The following ZNF808 variants were observed in gnomAD, a reference collection of about 807,000 sequenced individuals.
ZNF808 encodes zinc finger protein 808.
Under a neutral mutation model 8.7 loss-of-function variants are expected in ZNF808, and 5 were observed. The observed-to-expected ratio is 0.58, with a 90% confidence interval of 0.30 to 1.21. The LOEUF is 1.21. Among genes scored for constraint, ZNF808 ranks in the 50% most tolerant of loss-of-function variants. The probability of loss-of-function intolerance (pLI) is 0.07; values close to 1 mark genes in which losing one functional copy is unlikely to be tolerated. For missense variants in ZNF808, 1,103 were observed against 1,098.4 expected (o/e 1.00, Z -0.06); for synonymous variants, 380 against 366.0 (o/e 1.04, Z -0.44).
chr19:52,562,982 G>A (rs751800195), intron 3 of ZNF808, among the ~76,000 whole-genome samples: 16 of 151,994 alleles, frequency 1.1e-4, no homozygotes, highest in Non-Finnish European at 1.9e-4. Context: ...CACCATGTTG[G>A]CCAGGCTGGT....
exon 4 of ZNF808, chr19:52,564,163 A>G: frequency 1.4e-6 from 1 of 731,966 alleles, no homozygotes; most frequent in East Asian, 2.6e-5. Context: ...GATTCGAATG[A>G]AAACTGGCAA....
chr19:52,566,125 G>C (rs997882162), downstream of ZNF808, among the ~76,000 whole-genome samples: 1 of 152,042 alleles, frequency 6.6e-6, no homozygotes, highest in Non-Finnish European at 1.5e-5. Context: ...TGTGGGATTA[G>C]AGTCCATTTG....
rs10425471 is a variant in ZNF808 at position 52,531,938 on chromosome 19, A to G, written c.-121-970A>G. Among the ~76,000 whole-genome samples the G allele has an allele frequency of 6.9e-3, 1,054 of 152,286 alleles. 10 individuals carry two copies. The highest frequency in any genetic ancestry group is 0.023 in the African/African-American group (945 of 41,556). On this transcript the variant is annotated intron_variant, in intron 1 of 4. Transcript: ENST00000359798. ...TACATCAGAAGGTAGTGATCTTAAC[A>G]TGTATTTCAGTCTTATAGTGTGTGC...
intron 1 of ZNF808, among the ~76,000 whole-genome samples, chr19:52,528,237 T>C (rs965997893): frequency 6.6e-6 from 1 of 152,154 alleles, no homozygotes; most frequent in Non-Finnish European, 1.5e-5. Context: ...ACCGCTTCCA[T>C]TGAACCCACA....
At chr19:52,535,026 T>G (rs1220624079) in intron 2 of ZNF808, among the ~76,000 whole-genome samples, 1 of 151,312 alleles carries the variant, frequency 6.6e-6, no homozygotes, top group African/African-American at 2.4e-5. Context: ...AAAATTTTAT[T>G]TAAAAACGGG....
rs1023323502 is a variant in ZNF808 at position 52,554,075 on chromosome 19, G to T, written c.1159G>T (p.Ala387Ser). ...GGCTTTTGCGTGTCATTCCTATCTGGCAAACCATACTAGAATTCATAGTGG... is the reference window on the plus strand; with the variant it reads ...GGCTTTTGCGTGTCATTCCTATCTGTCAAACCATACTAGAATTCATAGTGG... ...EKAFACHSYL[A>S]NHTRIHSGEK... Residue 387 changes from alanine (A) to serine (S), a missense_variant, in exon 5 of 5, where the codon GCA becomes TCA. Ala to Ser is a moderately conservative substitution (Grantham distance 99, BLOSUM62 1). Coordinates refer to ENST00000359798, the MANE Select transcript of ZNF808 (RefSeq NM_001039886.4). 8 of 1,613,812 alleles carry T rather than the reference G, an allele frequency of 5.0e-6. No homozygotes were observed. Among genetic ancestry groups the T allele is most frequent in the Non-Finnish European group, 6.8e-6 (8 of 1,179,992 alleles).
chr19:52,546,753 C>T (rs1177234849), intron 3 of ZNF808, among the ~76,000 whole-genome samples: 1 of 149,810 alleles, frequency 6.7e-6, no homozygotes, highest in East Asian at 2.0e-4. Flanking sequence ...AAGCAATTCT[C>T]CTGCCTCAGC....
rs60838690 is a variant in ZNF808, at chr19:52,542,097, A to ATT, written c.-19-1157_-19-1156dup. On this transcript the variant is annotated intron_variant, in intron 2 of 4. Transcript: ENST00000359798. ...AGAGTGAGAAGATACATCACTTCCA[A>ATT]TTTTTTTTTTTTTGAGACGAATTTT... Among the ~76,000 whole-genome samples, 606 of 146,420 alleles carry ATT rather than the reference A, an allele frequency of 4.1e-3. 4 individuals are homozygous for ATT. Among genetic ancestry groups the ATT allele is most frequent in the African/African-American group, 0.014 (574 of 40,258 alleles).
downstream of ZNF808, among the ~76,000 whole-genome samples, chr19:52,568,636 G>T (rs1177470121): frequency 1.3e-5 from 2 of 152,156 alleles, no homozygotes; most frequent in Admixed American, 6.5e-5. Context: ...ATTTCCTTGT[G>T]TGTGTGAAAT....
exon 4 of ZNF808, chr19:52,564,240 A>G (rs1425784780): frequency 3.2e-6 from 3 of 923,520 alleles, no homozygotes; most frequent in Non-Finnish European, 5.2e-6. Context: ...AAGGAATTGC[A>G]CGTGAGATGG....
At chr19:52,528,619 G>A (rs1009448294) in intron 1 of ZNF808, among the ~76,000 whole-genome samples, 28 of 152,114 alleles carry the variant, frequency 1.8e-4, no homozygotes, top group Non-Finnish European at 3.8e-4. Flanking sequence ...AGCAAAGAGG[G>A]AGGCTCATCA....
chr19:52,532,128 G>T (rs1036276990), intron 1 of ZNF808, among the ~76,000 whole-genome samples: 2 of 152,150 alleles, frequency 1.3e-5, no homozygotes, highest in African/African-American at 4.8e-5. Flanking sequence ...TATATGATAT[G>T]TAATGGAACT....
chr19:52,533,267 C>T (rs186608483), intron 2 of ZNF808, among the ~76,000 whole-genome samples: 1 of 152,150 alleles, frequency 6.6e-6, no homozygotes, highest in Non-Finnish European at 1.5e-5. Context: ...GCTCTTGTTG[C>T]CCAGGCTGGA....
intron 1 of ZNF808, among the ~76,000 whole-genome samples, chr19:52,530,801 C>T (rs2059555214): frequency 2.0e-5 from 3 of 151,932 alleles, no homozygotes; most frequent in South Asian, 2.1e-4. Context: ...GGTGAAACCC[C>T]GTCTCTACCA....
chr19:52,533,894 G>T (rs1436372628), intron 2 of ZNF808, among the ~76,000 whole-genome samples: 2 of 145,468 alleles, frequency 1.4e-5, no homozygotes, highest in East Asian at 4.1e-4. Context: ...GATTGTACCT[G>T]TGTCTCAGTA....
downstream of ZNF808, among the ~76,000 whole-genome samples, chr19:52,568,175 C>G (rs984153581): frequency 6.6e-6 from 1 of 152,144 alleles, no homozygotes; most frequent in African/African-American, 2.4e-5. Context: ...AATTAGAAAC[C>G]AGCCTGGCCA....
At chr19:52,564,707 ACT>A (rs2059868453), downstream of ZNF808, among the ~76,000 whole-genome samples, 1 of 152,132 alleles carries the variant, frequency 6.6e-6, no homozygotes, top group South Asian at 2.1e-4. Context: ...TAATCCCAAC[ACT>A]CTGAGAGGCC....
Position 52,556,160 on chromosome 19 carries a change from T to G in ZNF808, c.*532T>G. 1 of 365,770 alleles carries G rather than the reference T, an allele frequency of 2.7e-6. No homozygotes were observed. The highest frequency in any genetic ancestry group is 5.5e-6 in the Non-Finnish European group (1 of 182,794). The allele number at this position is 365,770 out of a possible 1,614,324, so 22.7% of individuals were successfully genotyped here. On this transcript the variant is annotated 3_prime_UTR_variant, in exon 5 of 5. Coordinates refer to ENST00000359798, the MANE Select transcript of ZNF808 (RefSeq NM_001039886.4). ...TCAAGCCTTAATTGACATTCAAGTG[T>G]TTATGTTAAGAGGATGGGGCCAGGT... is the stretch of plus-strand genomic sequence containing the variant.
rs941037162 is a variant in ZNF808 at position 52,555,625 on chromosome 19, T to C, written c.2709T>C (p.Asp903=). The C allele has an allele frequency of 1.9e-6, 3 of 1,593,744 alleles. No individual in the cohort carries two copies. In the African/African-American group the frequency reaches 4.0e-5, roughly 21 times the overall value. Residue 903 remains aspartate (D), a synonymous_variant, in exon 5 of 5, where the codon GAT becomes GAC. Coordinates refer to ENST00000359798, the MANE Select transcript of ZNF808 (RefSeq NM_001039886.4). ...HQAIHGIGKF[D] is the part of the protein sequence containing the mutation. ...CAATTCATGGTATAGGGAAATTTGA[T>C]TAATATAATGATTGTCACAAAGTCT...
Sources: gnomAD v4.1 joint callset for allele counts (sites outside exome capture counted in the v4.1 genomes callset) on GRCh38, gnomAD v4.1.1 for gene constraint, MANE v1.5 for transcripts, NCBI Gene and HGNC (gene_info 2026-07-23, HGNC 2026-07-21) for gene names.